Variants in IFT122 observed in about 807,000 individuals in gnomAD.
The protein encoded by IFT122 is intraflagellar transport protein 122 homolog.
IFT122 carries 118 observed loss-of-function variants against 161.6 expected under a neutral mutation model. The ratio of observed to expected loss-of-function variants is 0.73; its 90% CI spans 0.63 to 0.85. The LOEUF is 0.85. Ranked by LOEUF, IFT122 falls within the 40% of genes least tolerant of loss-of-function variation. The probability of loss-of-function intolerance (pLI) is 0.00; values close to 1 mark genes in which losing one functional copy is unlikely to be tolerated. For synonymous variants in IFT122, 550 were observed against 602.4 expected (o/e 0.91, Z 1.27); for missense variants, 1,381 against 1,579.6 (o/e 0.87, Z 2.13).
chr3:129,484,343 T>C (rs2079029060), intron 15 of IFT122, among the ~76,000 whole-genome samples: 1 of 152,128 alleles, frequency 6.6e-6, no homozygotes. Flanking sequence ...GAGACGTGCA[T>C]AGCGAGAAAC....
chr3:129,483,431 G>A (rs751526040), intron 14 of IFT122, 54 bp from the exon 15 acceptor site: 12 of 1,498,174 alleles, frequency 8.0e-6, no homozygotes, highest in African/African-American at 2.8e-5. Context: ...ATGTGTGAGC[G>A]CTGACCAAGC....
chr3:129,495,176 A>G, intron 17 of IFT122, among the ~76,000 whole-genome samples: 1 of 152,210 alleles, frequency 6.6e-6, no homozygotes, highest in Non-Finnish European at 1.5e-5. Context: ...TAGCCTTGGA[A>G]TACACAGGAA....
intron 20 of IFT122, 103 bp from the exon 21 acceptor site, chr3:129,504,216 G>T: frequency 2.0e-6 from 2 of 976,764 alleles, no homozygotes; most frequent in Non-Finnish European, 1.6e-6. Context: ...TGAGTTGTCA[G>T]GCTGGCAAAA....
At position 129,519,731 on chromosome 3, in the gene IFT122, A is replaced by G. The variant is rs1578258502; in HGVS notation, c.3635A>G (p.Gln1212Arg). ...ASITMCPSCF[Q>R]MFHSEDYELL... Reference sequence around the variant, plus strand: ...ATTACCATGTGCCCCTCCTGCTTCCAGGTAGGTGGCCACCCTGGTAGCTCA... The same window carrying G: ...ATTACCATGTGCCCCTCCTGCTTCCGGGTAGGTGGCCACCCTGGTAGCTCA... The change falls in exon 29 of 30, where the codon CAG (glutamine) becomes CGG (arginine). Residue 1212 changes from glutamine (Q) to arginine (R), a missense_variant and splice_region_variant. Physicochemically the swap from Gln to Arg is conservative, Grantham distance 43. Transcript: ENST00000348417. 1 of 1,613,440 alleles carries G rather than the reference A, an allele frequency of 6.2e-7. No individual in the cohort carries two copies. The highest frequency in any genetic ancestry group is 8.5e-7 in the Non-Finnish European group (1 of 1,179,996).
chr3:129,506,426 C>T lies in IFT122; in HGVS notation c.2668C>T (p.Arg890Ter), dbSNP rs1039467525. The T allele has an allele frequency of 1.4e-5, 23 of 1,613,888 alleles. No homozygotes were observed. Among genetic ancestry groups the T allele is most frequent in the Non-Finnish European group, 1.8e-5 (21 of 1,180,038 alleles). ...TCCTACAGCGTTCCACAAGGCTGGG[C>T]GACAGAGAGAAGCGGTCCAGGTGCT... ...EAQKAFHKAG[R>*]QREAVQVLEQ... The change falls in exon 22 of 30, where the codon CGA becomes TGA. Residue 890 changes from arginine to a stop codon, truncating the protein, a stop_gained. Coordinates refer to ENST00000348417, the MANE Select transcript of IFT122 (RefSeq NM_052989.3). LOFTEE classifies it high-confidence loss of function.
At position 129,507,742 on chromosome 3, in the gene IFT122, C is replaced by T. The variant is rs753835808; in HGVS notation, c.2866C>T (p.His956Tyr). The T allele has an allele frequency of 3.0e-5, 48 of 1,613,860 alleles. No homozygotes were observed. Among genetic ancestry groups the T allele is most frequent in the Non-Finnish European group, 3.8e-5 (45 of 1,179,896 alleles). ...TTTGGCAGAGCTGTACCATGGTTACCATGCCATCCATCGCCACACGGTAAG... is the reference window on the plus strand; with the variant it reads ...TTTGGCAGAGCTGTACCATGGTTACTATGCCATCCATCGCCACACGGTAAG... ...QRLAELYHGY[H>Y]AIHRHTEDPF... Residue 956 changes from histidine (H) to tyrosine (Y), a missense_variant, in exon 23 of 30, where the codon CAT becomes TAT. This residue lies in a region of IFT122 where 496 missense variants were observed against 502.5 expected (regional missense o/e 0.99). Coordinates refer to ENST00000348417, the MANE Select transcript of IFT122 (RefSeq NM_052989.3).
chr3:129,507,654 G>A lies in IFT122; in HGVS notation c.2792-14G>A, dbSNP rs763562701. 1.3e-4 allele frequency: 204 copies of A among 1,610,866 alleles called. No homozygotes were observed. The highest frequency in any genetic ancestry group is 1.6e-4 in the Middle Eastern group (1 of 6,074). ...GTTTGACACGTTTCCCCTCCCACCC[G>A]CTGCACACAGCAGATCCTGCCCAGA... On this transcript the variant is annotated splice_polypyrimidine_tract_variant and intron_variant, in intron 22 of 29. Transcript: ENST00000348417.
chr3:129,511,572 G>A (rs767255243), intron 23 of IFT122, among the ~76,000 whole-genome samples: 4 of 152,194 alleles, frequency 2.6e-5, no homozygotes, highest in East Asian at 1.9e-4. Flanking sequence ...TGTGCCAGAT[G>A]CCTTCAAAAT....
intron 25 of IFT122, chr3:129,515,246 A>G: frequency 3.3e-6 from 2 of 604,106 alleles, no homozygotes; most frequent in Admixed American, 5.8e-5. Flanking sequence ...AGTGCCGTTG[A>G]GCGCTGCCTG....
chr3:129,460,447 A>ATT (rs146530833), intron 4 of IFT122, among the ~76,000 whole-genome samples: 17 of 147,246 alleles, frequency 1.2e-4, no homozygotes, highest in African/African-American at 4.3e-4. Context: ...TTTCTTTATT[A>ATT]TTATTTTTTT....
At chr3:129,474,950 T>G (rs960678763) in intron 9 of IFT122, among the ~76,000 whole-genome samples, 1 of 151,966 alleles carries the variant, frequency 6.6e-6, no homozygotes, top group Non-Finnish European at 1.5e-5. Flanking sequence ...AGAACAGGAG[T>G]TCAGGACCAA....
At position 129,476,777 on chromosome 3, in the gene IFT122, C is replaced by T; in HGVS notation, c.1123C>T (p.Gln375Ter). 9 of 1,614,154 alleles carry T rather than the reference C, an allele frequency of 5.6e-6. No individual in the cohort carries two copies. Among genetic ancestry groups the T allele is most frequent in the Non-Finnish European group, 7.6e-6 (9 of 1,180,034 alleles). The change falls in exon 11 of 30, where the codon CAG (glutamine) becomes TAG (stop). Residue 375 changes from glutamine (Q) to a stop codon, truncating the protein, a stop_gained. Transcript: ENST00000348417. LOFTEE classifies it high-confidence loss of function. The part of the protein sequence containing the change: ...YRDSMTDVIV[Q>*]HLITEQKVRI... The stretch of plus-strand genomic sequence containing the variant: ...GGATAGCATGACTGACGTCATTGTG[C>T]AGCACCTGATCACTGAGCAGAAAGG...
At chr3:129,516,892 C>T (rs541289352) in intron 26 of IFT122, among the ~76,000 whole-genome samples, 143 of 141,790 alleles carry the variant, frequency 1.0e-3, no homozygotes, top group Admixed American at 1.3e-3. Flanking sequence ...ACCGCTCCTG[C>T]ACACAGACAC....
intron 3 of IFT122, among the ~76,000 whole-genome samples, chr3:129,457,355 A>G (rs953362323): frequency 2.0e-5 from 3 of 152,216 alleles, no homozygotes; most frequent in African/African-American, 4.8e-5. Flanking sequence ...ATAAAGAGCA[A>G]GGCCTCTGCT....
chr3:129,518,344 C>T (rs1320255983), intron 27 of IFT122, among the ~76,000 whole-genome samples: 1 of 152,240 alleles, frequency 6.6e-6, no homozygotes, highest in Non-Finnish European at 1.5e-5. Flanking sequence ...ATGGGAGGGG[C>T]TTCTGGCAGG....
chr3:129,517,864 C>T (rs994391219), intron 27 of IFT122, among the ~76,000 whole-genome samples: 8 of 152,236 alleles, frequency 5.3e-5, no homozygotes, highest in Non-Finnish European at 8.8e-5. Context: ...CTAAAAGGCA[C>T]TGGCTGTGCC....
intron 1 of IFT122, among the ~76,000 whole-genome samples, chr3:129,441,741 C>T (rs2073159013): frequency 6.6e-6 from 1 of 152,168 alleles, no homozygotes; most frequent in African/African-American, 2.4e-5. Flanking sequence ...GTCTTGTATT[C>T]TGTACCCCAT....
Position 129,476,518 on chromosome 3 carries a change from A to G in IFT122, c.1008+12A>G, listed in dbSNP as rs563014749. The G allele has an allele frequency of 1.9e-6, 3 of 1,614,086 alleles. No homozygotes were observed. The South Asian group carries it at 3.3e-5, about 18-fold the overall frequency. On this transcript the variant is annotated intron_variant, in intron 10 of 29. Transcript: ENST00000348417. Reference sequence around the variant, plus strand: ...ATTCCAACTATGTGGTAAGAAGAGAAAGTTTGTTCTGTGGGGCCATGGCTT... The same window carrying G: ...ATTCCAACTATGTGGTAAGAAGAGAGAGTTTGTTCTGTGGGGCCATGGCTT...
At chr3:129,467,925 T>A (rs1209426710) in intron 8 of IFT122, among the ~76,000 whole-genome samples, 4 of 152,176 alleles carry the variant, frequency 2.6e-5, no homozygotes, top group Non-Finnish European at 5.9e-5. Flanking sequence ...GAGTTTTTGT[T>A]TCATAAAGAA....
Sources: allele counts gnomAD v4.1 joint callset (sites outside exome capture counted in the v4.1 genomes callset), GRCh38; gene constraint gnomAD v4.1.1; regional missense constraint gnomAD v4.1.1; transcripts MANE v1.5; gene names NCBI Gene and HGNC (gene_info 2026-07-23, HGNC 2026-07-21).